The following CLDN1 variants were observed in gnomAD, a reference collection of about 807,000 sequenced individuals.
CLDN1 encodes the protein claudin 1.
A neutral mutation model predicts 22.6 loss-of-function variants in CLDN1; 12 were observed. The ratio of observed to expected loss-of-function variants is 0.53; its 90% confidence interval spans 0.34 to 0.86. CLDN1 has a LOEUF of 0.86. Among genes scored for constraint, CLDN1 ranks in the 40% least tolerant of loss-of-function variants. The pLI, the probability that CLDN1 is intolerant of heterozygous loss-of-function variation, is 0.02. For missense variants in CLDN1, 250 were observed against 269.5 expected (o/e 0.93, Z 0.51); for synonymous variants, 99 against 103.8 (o/e 0.95, Z 0.28).
chr3:190,308,392 A>G lies in CLDN1; in HGVS notation c.521T>C (p.Leu174Pro). Residue 174 changes from leucine to proline, a missense_variant, in exon 4 of 4, where the codon CTC (leucine) becomes CCC (proline). Leu to Pro is a moderately conservative substitution (Grantham distance 98, BLOSUM62 -3). Transcript: ENST00000295522. ...ALFTGWAAAS[L>P]CLLGGALLCC... Reference sequence around the variant, plus strand: ...AAGTAGGGCACCTCCCAGAAGGCAGAGAGAAGCAGCAGCCCAGCCAGTGAA... The same window carrying G: ...AAGTAGGGCACCTCCCAGAAGGCAGGGAGAAGCAGCAGCCCAGCCAGTGAA... 1 of 1,613,840 alleles carries G rather than the reference A, an allele frequency of 6.2e-7. No homozygotes were observed. The highest frequency in any genetic ancestry group is 8.5e-7 in the Non-Finnish European group (1 of 1,179,844).
intron 2 of CLDN1, 72 bp from the exon 3 acceptor site, chr3:190,310,325 CA>C: frequency 8.6e-7 from 1 of 1,162,928 alleles, no homozygotes; most frequent in Admixed American, 1.7e-5. Context: ...CCTGTTAAAC[CA>C]AAACATATTT....
chr3:190,310,241 A>G lies in CLDN1; in HGVS notation c.401T>C (p.Leu134Ser). The G allele has an allele frequency of 6.2e-7, 1 of 1,613,284 alleles. No individual in the cohort carries two copies. Among genetic ancestry groups the G allele is most frequent in the Non-Finnish European group, 8.5e-7 (1 of 1,179,346 alleles). The change falls in exon 3 of 4, where the codon TTA becomes TCA. Residue 134 changes from leucine (L) to serine (S), a missense_variant. By Grantham distance (145) the Leu-to-Ser change is moderately radical. Coordinates refer to ENST00000295522, the MANE Select transcript of CLDN1 (RefSeq NM_021101.5). ...AIFLLAGLAI[L>S]VATAWYGNRI... ...ATTGCCATACCATGCTGTGGCAACT[A>G]AAATAGCCAGACCTATAGAAATTCA...
rs1716435741 is a variant in CLDN1, at chr3:190,305,843, C to G, written c.*2434G>C. 6.6e-6 allele frequency: 1 copy of G among 152,134 alleles called. No individual in the cohort carries two copies. The highest frequency in any genetic ancestry group is 2.1e-4 in the South Asian group (1 of 4,830). The allele number at this position is 152,134 out of a possible 1,614,324, so 9.4% of individuals were successfully genotyped here. A position where few individuals can be genotyped will look rare whatever the true frequency, so the allele number is the denominator to read the frequency against. ...TAAAAAGATCAAAATTGGATAAATT[C>G]TATTGTAACAATTTCGTTGGTCATT... On this transcript the variant is annotated 3_prime_UTR_variant, in exon 4 of 4. Coordinates refer to ENST00000295522, the MANE Select transcript of CLDN1 (RefSeq NM_021101.5).
chr3:190,322,379 G>A lies in CLDN1; in HGVS notation c.-173C>T, dbSNP rs1035883832. On this transcript the variant is annotated 5_prime_UTR_variant, in exon 1 of 4. Transcript: ENST00000295522. ...AAGCTCTGGGTCGGGGTTGGGGTCC[G>A]CGCCCGGGGCGGCGCTGGAGTCTGG... is the stretch of plus-strand genomic sequence containing the variant. 7.7e-6 allele frequency: 5 copies of A among 653,044 alleles called. No homozygotes were observed. In the African/African-American group the frequency reaches 9.0e-5, roughly 12 times the overall value. 40.5% of individuals were successfully genotyped at this position (653,044 alleles called of 1,614,324 possible).
chr3:190,322,040 G>C lies in CLDN1; in HGVS notation c.167C>G (p.Ser56Trp). Residue 56 changes from serine (S) to tryptophan (W), a missense_variant, in exon 1 of 4, where the codon TCG (serine) becomes TGG (tryptophan). Coordinates refer to ENST00000295522, the MANE Select transcript of CLDN1 (RefSeq NM_021101.5). ...GCACTGGATCTGCCCGGTGCTCTGC[G>C]ACACGCAGGACATCCACAGCCCCTC... ...MYEGLWMSCV[S>W]QSTGQIQCKV... The C allele has an allele frequency of 6.2e-7, 1 of 1,614,206 alleles. No homozygotes were observed. Among genetic ancestry groups the C allele is most frequent in the Non-Finnish European group, 8.5e-7 (1 of 1,180,038 alleles).
intron 2 of CLDN1, among the ~76,000 whole-genome samples, chr3:190,311,765 CAG>C (rs954131424): frequency 9.3e-5 from 14 of 150,872 alleles, no homozygotes; most frequent in African/African-American, 3.2e-4. Context: ...TATATACACA[CAG>C]AGAGATTGCA....
intron 1 of CLDN1, among the ~76,000 whole-genome samples, chr3:190,317,917 G>A (rs558299900): frequency 6.6e-6 from 1 of 152,160 alleles, no homozygotes; most frequent in Non-Finnish European, 1.5e-5. Context: ...ATCTGTAGTT[G>A]CTTAATAAGT....
intron 2 of CLDN1, among the ~76,000 whole-genome samples, chr3:190,311,095 G>T (rs1351779496): frequency 6.6e-6 from 1 of 152,172 alleles, no homozygotes; most frequent in Non-Finnish European, 1.5e-5. Context: ...CTCTAGACAT[G>T]ACAGAAAACA....
At chr3:190,315,501 T>G (rs1193913835) in intron 1 of CLDN1, among the ~76,000 whole-genome samples, 1 of 152,146 alleles carries the variant, frequency 6.6e-6, no homozygotes, top group Non-Finnish European at 1.5e-5. Flanking sequence ...GTCATATGAT[T>G]ATCTTGAGAA....
Position 190,322,141 on chromosome 3 carries a change from G to T in CLDN1, c.66C>A (p.Ile22=), listed in dbSNP as rs562285276. ...TCCACTGGGGCAGGGCAGTGCTGAC[G>T]ATGGCGCCGATCCATCCCAGGAAGG... The part of the protein sequence containing the change: ...ILAFLGWIGA[I]VSTALPQWRI... The change falls in exon 1 of 4, where the codon ATC becomes ATA. Residue 22 remains isoleucine, a synonymous_variant. Coordinates refer to ENST00000295522, the MANE Select transcript of CLDN1 (RefSeq NM_021101.5). The T allele has an allele frequency of 2.5e-6, 4 of 1,614,110 alleles. No homozygotes were observed. The highest frequency in any genetic ancestry group is 2.5e-6 in the Non-Finnish European group (3 of 1,180,064).
At chr3:190,320,534 T>A (rs1402140281) in intron 1 of CLDN1, among the ~76,000 whole-genome samples, 1 of 152,224 alleles carries the variant, frequency 6.6e-6, no homozygotes, top group Non-Finnish European at 1.5e-5. Context: ...AGTCCTGATA[T>A]GAGAACCTTC....
intron 1 of CLDN1, among the ~76,000 whole-genome samples, chr3:190,314,033 A>G (rs1413582280): frequency 6.6e-6 from 1 of 152,190 alleles, no homozygotes; most frequent in Non-Finnish European, 1.5e-5. Flanking sequence ...AATATGTGAC[A>G]AGTGTTTTTT....
chr3:190,321,442 G>A (rs1716918526), intron 1 of CLDN1, among the ~76,000 whole-genome samples: 1 of 152,086 alleles, frequency 6.6e-6, no homozygotes, highest in Non-Finnish European at 1.5e-5. Flanking sequence ...TCAACCTCAA[G>A]CATAAGCAGA....
At chr3:190,317,082 G>A (rs1030740939) in intron 1 of CLDN1, among the ~76,000 whole-genome samples, 3 of 152,130 alleles carry the variant, frequency 2.0e-5, no homozygotes, top group African/African-American at 7.2e-5. Flanking sequence ...ATGTTTGAAA[G>A]CTATAAAACA....
At chr3:190,315,447 A>C (rs1213054591) in intron 1 of CLDN1, among the ~76,000 whole-genome samples, 1 of 152,154 alleles carries the variant, frequency 6.6e-6, no homozygotes, top group Non-Finnish European at 1.5e-5. Flanking sequence ...AGAACTTCGC[A>C]AATTAGGGTA....
chr3:190,308,780 G>A (rs1716530414), intron 3 of CLDN1, among the ~76,000 whole-genome samples: 1 of 152,110 alleles, frequency 6.6e-6, no homozygotes, highest in Non-Finnish European at 1.5e-5. Flanking sequence ...CTGAAACTTA[G>A]CAAAGGAAGC....
At position 190,322,140 on chromosome 3, in the gene CLDN1, C is replaced by T. The variant is rs895016415; in HGVS notation, c.67G>A (p.Val23Ile). ...CTCCACTGGGGCAGGGCAGTGCTGA[C>T]GATGGCGCCGATCCATCCCAGGAAG... Reference protein sequence around the residue: ...LAFLGWIGAIVSTALPQWRIY... With the variant: ...LAFLGWIGAIISTALPQWRIY... Residue 23 changes from valine (V) to isoleucine (I), a missense_variant, in exon 1 of 4, where the codon GTC (valine) becomes ATC (isoleucine). Transcript: ENST00000295522. The T allele has an allele frequency of 1.2e-6, 2 of 1,614,220 alleles. No homozygotes were observed. Among genetic ancestry groups the T allele is most frequent in the Non-Finnish European group, 8.5e-7 (1 of 1,180,058 alleles).
rs1291307590 is a variant in CLDN1 at position 190,322,339 on chromosome 3, G to A, written c.-133C>T. ...GTTAAGGCGGGGAGCCCTGCTCGCT[G>A]CGCCGCCGCTGGAGAAGCTCTGGGT... On this transcript the variant is annotated 5_prime_UTR_variant, in exon 1 of 4. Transcript: ENST00000295522. The A allele has an allele frequency of 2.4e-6, 2 of 817,934 alleles. No homozygotes were observed. The highest frequency in any genetic ancestry group is 2.0e-5 in the Admixed American group (1 of 49,182). The allele number at this position is 817,934 out of a possible 1,614,324, so 50.7% of individuals were successfully genotyped here.
At chr3:190,315,368 A>G (rs1034289984) in intron 1 of CLDN1, among the ~76,000 whole-genome samples, 2 of 152,194 alleles carry the variant, frequency 1.3e-5, no homozygotes, top group Non-Finnish European at 2.9e-5. Flanking sequence ...TGGTCATCCT[A>G]ACGCAGGATG....
Sources: allele counts gnomAD v4.1 joint callset (sites outside exome capture counted in the v4.1 genomes callset), GRCh38; gene constraint gnomAD v4.1.1; transcripts MANE v1.5; gene names NCBI Gene and HGNC (gene_info 2026-07-23, HGNC 2026-07-21).